PHF8: variants seen among roughly 807,000 people sequenced by gnomAD.
PHF8 encodes PHD finger protein 8.
A neutral mutation model predicts 74.4 loss-of-function variants in PHF8; 9 were observed. That is an observed-to-expected ratio of 0.12 (90% CI 0.07 to 0.21). The LOEUF (loss-of-function observed/expected upper bound fraction) is 0.21. PHF8 is among the 10% of genes least tolerant of loss of function. The pLI is 1.00. For missense variants in PHF8, 478 were observed against 816.6 expected (o/e 0.59, Z 5.05); for synonymous variants, 311 against 316.6 (o/e 0.98, Z 0.19).
At chrX:54,045,591 T>G (rs181916039), upstream of PHF8, among the ~76,000 whole-genome samples, 96 of 112,469 alleles carry the variant, frequency 8.5e-4, no homozygotes, top group Middle Eastern at 0.014. Context: ...AAATGCAACA[T>G]GAAGCTACAA....
intron 4 of PHF8, among the ~76,000 whole-genome samples, chrX:54,021,570 G>A (rs1442318287): frequency 4.3e-5 from 4 of 93,308 alleles, no homozygotes; most frequent in Non-Finnish European, 8.2e-5. Flanking sequence ...CCGGGTTCAC[G>A]CCATTCTCCT....
intron 18 of PHF8, among the ~76,000 whole-genome samples, chrX:53,967,011 A>G (rs1398543778): frequency 9.9e-6 from 1 of 101,502 alleles, no homozygotes; most frequent in African/African-American, 3.7e-5. Context: ...GCCCCATCTG[A>G]GAAGTGAGGA....
chrX:53,943,859 T>C (rs907176131), intron 20 of PHF8, among the ~76,000 whole-genome samples: 15 of 112,082 alleles, frequency 1.3e-4, no homozygotes, highest in Non-Finnish European at 2.6e-4. Context: ...TGAGAGGTTT[T>C]TACACACCAA....
At chrX:53,951,616 A>G (rs782387208) in intron 19 of PHF8, among the ~76,000 whole-genome samples, 1 of 110,209 alleles carries the variant, frequency 9.1e-6, no homozygotes, top group African/African-American at 3.3e-5. Context: ...ACGCCCGGCT[A>G]ATTTTTTTTC....
intron 19 of PHF8, among the ~76,000 whole-genome samples, chrX:53,958,774 TC>T (rs2065056216): frequency 3.8e-5 from 1 of 26,300 alleles, no homozygotes; most frequent in Non-Finnish European, 5.8e-5. Context: ...AGACTCCCTC[TC>T]AAAAAAAAAA....
At chrX:53,941,424 C>G (rs897697005) in intron 20 of PHF8, among the ~76,000 whole-genome samples, 7 of 111,853 alleles carry the variant, frequency 6.3e-5, no homozygotes, top group Non-Finnish European at 1.1e-4. Flanking sequence ...ATGGGAATGA[C>G]AAATAAGGAG....
intron 18 of PHF8, among the ~76,000 whole-genome samples, chrX:53,977,321 C>A (rs2065395692): frequency 9.0e-6 from 1 of 111,639 alleles, no homozygotes; most frequent in Non-Finnish European, 1.9e-5. Context: ...GGTGACAGAG[C>A]AAGACTGGCT....
intron 8 of PHF8, among the ~76,000 whole-genome samples, chrX:54,007,980 A>C (rs781901221): frequency 1.8e-5 from 2 of 112,451 alleles, no homozygotes; most frequent in Non-Finnish European, 3.7e-5. Flanking sequence ...TATTCATAAC[A>C]GCCAAAAAGT....
chrX:53,946,879 A>G (rs1162688618), intron 19 of PHF8, among the ~76,000 whole-genome samples: 2 of 112,079 alleles, frequency 1.8e-5, no homozygotes, highest in Non-Finnish European at 3.8e-5. Context: ...AAACAGCATA[A>G]TAACTGGGGT....
Position 54,044,109 on chromosome X carries a change from C to T in PHF8, c.-440G>A, listed in dbSNP as rs1274045930. 1 of 754,503 alleles carries T rather than the reference C, an allele frequency of 1.3e-6. No homozygotes were observed. The highest frequency in any genetic ancestry group is 1.6e-6 in the Non-Finnish European group (1 of 639,414). 62.2% of individuals were successfully genotyped at this position (754,503 alleles called of 1,213,427 possible). ...TGCTTCAGAGCAGCCTCCTCCACAA[C>T]ATTCCCCTCGGCCCGGCCGTTCGGG... On this transcript the variant is annotated 5_prime_UTR_variant, in exon 1 of 22. It removes an upstream start codon present in the reference 5' UTR. Coordinates refer to ENST00000338154, the MANE Select transcript of PHF8 (RefSeq NM_015107.3).
intron 20 of PHF8, among the ~76,000 whole-genome samples, chrX:53,943,840 C>T (rs1024979009): frequency 5.4e-5 from 6 of 112,139 alleles, no homozygotes; most frequent in African/African-American, 1.9e-4. Context: ...GGATCTGGTC[C>T]TTCTCATCTG....
At chrX:54,041,476 C>A (rs1288156341) in intron 2 of PHF8, among the ~76,000 whole-genome samples, 2 of 110,761 alleles carry the variant, frequency 1.8e-5, no homozygotes, top group African/African-American at 6.6e-5. Context: ...TAGAATCTAA[C>A]AAGCAACAGG....
At chrX:53,986,880 C>G (rs1299701943) in intron 16 of PHF8, among the ~76,000 whole-genome samples, 198 bp downstream of exon 16, 2 of 111,825 alleles carry the variant, frequency 1.8e-5, no homozygotes, top group East Asian at 5.6e-4. Context: ...GAACCATGAT[C>G]ATGCCATTGT....
At position 54,044,331 on chromosome X, in the gene PHF8, T is replaced by C. The variant is rs950244836; in HGVS notation, c.-662A>G. 1.3e-6 allele frequency: 1 copy of C among 753,283 alleles called. No individual in the cohort carries two copies. The highest frequency in any genetic ancestry group is 1.5e-4 in the East Asian group (1 of 6,656). 62.1% of individuals were successfully genotyped at this position (753,283 alleles called of 1,213,427 possible). ...GGCGGTGGTAGGCAATTCGGAGTAG[T>C]CAATAAAGTTTATTCAAAACAATGA... On this transcript the variant is annotated 5_prime_UTR_variant, in exon 1 of 22. Coordinates refer to ENST00000338154, the MANE Select transcript of PHF8 (RefSeq NM_015107.3).
At chrX:54,008,011 T>C (rs1459054142) in intron 8 of PHF8, among the ~76,000 whole-genome samples, 1 of 112,181 alleles carries the variant, frequency 8.9e-6, no homozygotes, top group Non-Finnish European at 1.9e-5. Context: ...CAAATGTCTA[T>C]CAACTGACTA....
At chrX:53,960,351 A>G (rs959040499) in intron 19 of PHF8, among the ~76,000 whole-genome samples, 7 of 109,198 alleles carry the variant, frequency 6.4e-5, no homozygotes, top group Non-Finnish European at 1.3e-4. Context: ...CTGGGATTAC[A>G]GGCGTGAGCC....
At chrX:53,965,288 T>C (rs1262705218) in intron 18 of PHF8, among the ~76,000 whole-genome samples, 2 of 112,031 alleles carry the variant, frequency 1.8e-5, no homozygotes, top group African/African-American at 6.5e-5. Flanking sequence ...ACCATCAACC[T>C]GGCAAAAACT....
At chrX:54,005,761 G>A (rs1051826663) in intron 8 of PHF8, among the ~76,000 whole-genome samples, 1 of 110,306 alleles carries the variant, frequency 9.1e-6, no homozygotes, top group Non-Finnish European at 1.9e-5. Context: ...TTTAGGTGTT[G>A]AAAGAAAAGA....
At chrX:53,990,241 G>C (rs1366967314) in intron 14 of PHF8, among the ~76,000 whole-genome samples, 1 of 111,786 alleles carries the variant, frequency 8.9e-6, no homozygotes, top group East Asian at 2.8e-4. Context: ...ACTCAGCTAA[G>C]TTTCAGCAAT....
Sources: gnomAD v4.1 joint callset for allele counts (sites outside exome capture counted in the v4.1 genomes callset) on GRCh38, gnomAD v4.1.1 for gene constraint, MANE v1.5 for transcripts, NCBI Gene and HGNC (gene_info 2026-07-23, HGNC 2026-07-21) for gene names.